Variants in RNF38 observed in about 807,000 individuals in gnomAD.
RNF38 encodes ring finger protein 38.
Under a neutral mutation model 67.2 loss-of-function variants are expected in RNF38, and 15 were observed. The observed-to-expected ratio is 0.22, with a 90% CI of 0.15 to 0.34. The LOEUF (loss-of-function observed/expected upper bound fraction) is 0.34, where lower values mean the gene tolerates loss of function less well. RNF38 is among the 10% of genes least tolerant of loss of function. The pLI is 1.00. For missense variants in RNF38, 524 were observed against 639.9 expected (o/e 0.82, Z 1.95); for synonymous variants, 220 against 218.8 (o/e 1.01, Z -0.05).
At chr9:36,478,141 A>G (rs554216687) in intron 1 of RNF38, among the ~76,000 whole-genome samples, 12 of 152,260 alleles carry the variant, frequency 7.9e-5, no homozygotes, top group South Asian at 4.1e-4. Flanking sequence ...AATGGTTGAT[A>G]TAAGTGTTTA....
intron 5 of RNF38, 151 bp downstream of exon 5, chr9:36,357,624 G>A (rs1338720017): frequency 1.6e-5 from 8 of 499,336 alleles, no homozygotes; most frequent in Non-Finnish European, 2.4e-5. Context: ...TTACTTGAAA[G>A]TGAAACTACA....
At chr9:36,387,132 T>C (rs914101032) in intron 2 of RNF38, among the ~76,000 whole-genome samples, 1 of 152,170 alleles carries the variant, frequency 6.6e-6, no homozygotes, top group African/African-American at 2.4e-5. Flanking sequence ...GAGGCATGAA[T>C]AATCCACCCC....
At chr9:36,461,119 G>A (rs1269226219) in intron 1 of RNF38, among the ~76,000 whole-genome samples, 1 of 151,874 alleles carries the variant, frequency 6.6e-6, no homozygotes, top group Admixed American at 6.6e-5. Flanking sequence ...GGAGGCTGAG[G>A]CAGGAGAATT....
chr9:36,457,753 C>G (rs1316111197), intron 1 of RNF38, among the ~76,000 whole-genome samples: 1 of 151,610 alleles, frequency 6.6e-6, no homozygotes, highest in African/African-American at 2.4e-5. Flanking sequence ...ACTAAATAAA[C>G]AAAAATTAAC....
intron 1 of RNF38, among the ~76,000 whole-genome samples, chr9:36,472,327 T>C (rs1479409648): frequency 1.3e-5 from 2 of 152,226 alleles, no homozygotes; most frequent in Non-Finnish European, 2.9e-5. Context: ...TTAGTAATTA[T>C]GAAAGGCAGA....
chr9:36,424,720 A>G, intron 1 of RNF38: 1 of 856,104 alleles, frequency 1.2e-6, no homozygotes, highest in Non-Finnish European at 1.4e-6. Context: ...AGATGCAGTA[A>G]TTCCTTACAT....
At chr9:36,435,802 CG>C (rs2134279447) in intron 1 of RNF38, among the ~76,000 whole-genome samples, 1 of 151,998 alleles carries the variant, frequency 6.6e-6, no homozygotes, top group African/African-American at 2.4e-5. Context: ...GCTAATTTTT[CG>C]TATTTTTCAT....
intron 1 of RNF38, among the ~76,000 whole-genome samples, chr9:36,469,117 A>C (rs1237620402): frequency 6.6e-6 from 1 of 152,148 alleles, no homozygotes; most frequent in Non-Finnish European, 1.5e-5. Flanking sequence ...ATCTCAAAAA[A>C]GTAAAACCTT....
chr9:36,385,930 T>A (rs1182333584), intron 2 of RNF38, among the ~76,000 whole-genome samples: 1 of 152,334 alleles, frequency 6.6e-6, no homozygotes, highest in South Asian at 2.1e-4. Context: ...TCTTCAAGCA[T>A]CTCGACAACC....
Position 36,369,841 on chromosome 9 carries a change from C to A in RNF38, c.448G>T (p.Ala150Ser), listed in dbSNP as rs774560493. The A allele has an allele frequency of 1.6e-5, 26 of 1,613,612 alleles. No individual in the cohort carries two copies. Among genetic ancestry groups the A allele is most frequent in the East Asian group, 8.9e-5 (4 of 44,882 alleles). ...QDENYHHLPY[A>S]QQQAIEEPRA... ...GGCTCCTCTATTGCTTGCTGCTGTG[C>A]GTAAGGGAGATGGTGATAGTTTTCA... The change falls in exon 4 of 12, where the codon GCA becomes TCA. Residue 150 changes from alanine (A) to serine (S), a missense_variant. Coordinates refer to ENST00000259605, the MANE Select transcript of RNF38 (RefSeq NM_022781.5).
Position 36,337,591 on chromosome 9 carries a change from T to C in RNF38, c.*2161A>G, listed in dbSNP as rs1385609520. 3.3e-5 allele frequency: 5 copies of C among 152,620 alleles called. No individual in the cohort carries two copies. The highest frequency in any genetic ancestry group is 1.3e-4 in the Admixed American group (2 of 15,276). 9.5% of individuals were successfully genotyped at this position (152,620 alleles called of 1,614,324 possible). A position where few individuals can be genotyped will look rare whatever the true frequency, so the allele number is the denominator to read the frequency against. On this transcript the variant is annotated 3_prime_UTR_variant, in exon 12 of 12. Transcript: ENST00000259605. Reference sequence around the variant, plus strand: ...TCGTAGTGTTAGATCTGTACAGATATAAATTTTTTGCAGCTATATAAAAGT... The same window carrying C: ...TCGTAGTGTTAGATCTGTACAGATACAAATTTTTTGCAGCTATATAAAAGT...
At chr9:36,443,475 C>T (rs1839239947) in intron 1 of RNF38, among the ~76,000 whole-genome samples, 1 of 152,066 alleles carries the variant, frequency 6.6e-6, no homozygotes, top group African/African-American at 2.4e-5. Flanking sequence ...AAAAACAAAG[C>T]AATTCTATCT....
At chr9:36,454,264 C>T (rs1839530771) in intron 1 of RNF38, among the ~76,000 whole-genome samples, 1 of 151,934 alleles carries the variant, frequency 6.6e-6, no homozygotes, top group Non-Finnish European at 1.5e-5. Flanking sequence ...ACTGGGATTA[C>T]AGGCATCCGC....
At chr9:36,440,025 C>G (rs1202266843) in intron 1 of RNF38, among the ~76,000 whole-genome samples, 1 of 152,058 alleles carries the variant, frequency 6.6e-6, no homozygotes, top group East Asian at 1.9e-4. Flanking sequence ...GTGGGCAGAT[C>G]ACTTGAGGTC....
chr9:36,426,944 G>C (rs759564163), intron 1 of RNF38, among the ~76,000 whole-genome samples: 52 of 152,318 alleles, frequency 3.4e-4, no homozygotes, highest in Non-Finnish European at 6.8e-4. Flanking sequence ...AAAGCTCATA[G>C]CACAGTGCCT....
In RNF38 at chr9:36,338,450, G is replaced by A. The variant is rs1655555103; in HGVS notation, c.*1302C>T. 6.6e-6 allele frequency: 1 copy of A among 152,212 alleles called. No individual in the cohort carries two copies. The highest frequency in any genetic ancestry group is 1.5e-5 in the Non-Finnish European group (1 of 68,042). The allele number at this position is 152,212 out of a possible 1,614,324, so 9.4% of individuals were successfully genotyped here. ...AACAAATCAGGTCTAAGGAACATGA[G>A]CTGTAACAGCACTTGATCCATCCTG... is the stretch of plus-strand genomic sequence containing the variant. On this transcript the variant is annotated 3_prime_UTR_variant, in exon 12 of 12. Transcript: ENST00000259605.
intron 1 of RNF38, among the ~76,000 whole-genome samples, chr9:36,394,067 GAGAT>G (rs2134064506): frequency 6.6e-6 from 1 of 152,278 alleles, no homozygotes; most frequent in South Asian, 2.1e-4. Flanking sequence ...ACAAGGTCAA[GAGAT>G]AGAGACCAAC....
rs1832680907 is a variant in RNF38, at chr9:36,339,354, C to CCACT, written c.*394_*397dup. 1 of 182,276 alleles carries CCACT rather than the reference C, an allele frequency of 5.5e-6. No homozygotes were observed. Among genetic ancestry groups the CCACT allele is most frequent in the African/African-American group, 2.3e-5 (1 of 42,738 alleles). The allele number at this position is 182,276 out of a possible 1,614,324, so 11.3% of individuals were successfully genotyped here. A position where few individuals can be genotyped will look rare whatever the true frequency, so the allele number is the denominator to read the frequency against. On this transcript the variant is annotated 3_prime_UTR_variant, in exon 12 of 12. Coordinates refer to ENST00000259605, the MANE Select transcript of RNF38 (RefSeq NM_022781.5). ...ACAGTCATACGCTGCGCATTCATTT[C>CCACT]CACTCACAGTTTCTGAAGGCTCTAT...
rs529324541 is a variant in RNF38, at chr9:36,434,354, G to A, written n.242-9671C>T. On this transcript the variant is annotated intron_variant and non_coding_transcript_variant, in intron 1 of 3. Coordinates refer to the RNF38 transcript ENST00000488058. ...AAGGAGGAGGGGGAGGGCAGGGGAG[G>A]AGGATGGGGAGGGCACGGGAGGAGG... is the stretch of plus-strand genomic sequence containing the variant. Among the ~76,000 whole-genome samples the A allele has an allele frequency of 3.9e-4, 52 of 131,884 alleles. 1 individual carries two copies. The South Asian group carries it at 0.015, about 39-fold the overall frequency. 86.5% of individuals were successfully genotyped at this position (131,884 alleles called of 152,430 possible).
Sources: allele counts gnomAD v4.1 joint callset (sites outside exome capture counted in the v4.1 genomes callset), GRCh38; gene constraint gnomAD v4.1.1; transcripts MANE v1.5; gene names NCBI Gene and HGNC (gene_info 2026-07-23, HGNC 2026-07-21).